Variants in SMARCAL1 observed in about 807,000 individuals in gnomAD.
SMARCAL1 encodes ATP-driven annealing helicase.
In SMARCAL1, 58 loss-of-function variants were observed where a neutral mutation model predicts 94.5. That is an observed-to-expected ratio of 0.61 (90% CI 0.50 to 0.76). The LOEUF (loss-of-function observed/expected upper bound fraction) is 0.76. Among genes scored for constraint, SMARCAL1 ranks in the 30% least tolerant of loss-of-function variants. The pLI is 0.00. For missense variants in SMARCAL1, 1,051 were observed against 1,177.9 expected, an observed-to-expected ratio of 0.89 and a Z score of 1.58; for synonymous variants, 422 against 455.1, an observed-to-expected ratio of 0.93 and a Z score of 0.93.
chr2:216,445,407 CTCTAG>C (rs1367744266), intron 10 of SMARCAL1, among the ~76,000 whole-genome samples: 2 of 152,142 alleles, frequency 1.3e-5, no homozygotes, highest in African/African-American at 4.8e-5. Flanking sequence ...TCCCATCACT[CTCTAG>C]TCTAGGGAGT....
chr2:216,455,825 C>G (rs1044222392), intron 12 of SMARCAL1, among the ~76,000 whole-genome samples: 1 of 152,208 alleles, frequency 6.6e-6, no homozygotes, highest in Admixed American at 6.5e-5. Context: ...AGCTCCTCAC[C>G]AGCAATGGAA....
At chr2:216,478,370 T>A in intron 17 of SMARCAL1, 71 bp downstream of exon 17, 1 of 1,195,032 alleles carries the variant, frequency 8.4e-7, no homozygotes, top group Non-Finnish European at 1.2e-6. Flanking sequence ...AGTCTTTGGG[T>A]CCTGAGTAGG....
At position 216,464,757 on chromosome 2, in the gene SMARCAL1, A is replaced by G. The variant is rs1039462038; in HGVS notation, c.2141+90A>G. 11 of 927,592 alleles carry G rather than the reference A, an allele frequency of 1.2e-5. No individual in the cohort carries two copies. In the East Asian group the frequency reaches 2.4e-4, roughly 20 times the overall value. 57.5% of individuals were successfully genotyped at this position (927,592 alleles called of 1,614,324 possible). Reference sequence around the variant, plus strand: ...TACTTTATTCTGCCTGAATGATTTTACTGCGTCTAAGAAATGACCAGAGAT... The same window carrying G: ...TACTTTATTCTGCCTGAATGATTTTGCTGCGTCTAAGAAATGACCAGAGAT... On this transcript the variant is annotated intron_variant, in intron 13 of 17. Transcript: ENST00000357276.
At chr2:216,461,457 T>C (rs557075133) in intron 12 of SMARCAL1, among the ~76,000 whole-genome samples, 38 of 152,090 alleles carry the variant, frequency 2.5e-4, no homozygotes, top group Non-Finnish European at 4.4e-4. Flanking sequence ...ACTGGGATCA[T>C]ACAAACACGT....
intron 4 of SMARCAL1, 128 bp downstream of exon 4, chr2:216,416,435 C>A: frequency 2.7e-6 from 2 of 730,584 alleles, no homozygotes; most frequent in South Asian, 1.5e-5. Context: ...GCACCCCCCC[C>A]AACACTCCTT....
In SMARCAL1 at chr2:216,415,059, C is replaced by G. The variant is rs2106014694; in HGVS notation, c.355C>G (p.Leu119Val). The G allele has an allele frequency of 1.2e-6, 2 of 1,614,224 alleles. No individual in the cohort carries two copies. Among genetic ancestry groups the G allele is most frequent in the Non-Finnish European group, 1.7e-6 (2 of 1,180,042 alleles). The change falls in exon 3 of 18, where the codon CTC becomes GTC. Residue 119 changes from leucine (L) to valine (V), a missense_variant. By Grantham distance (32) the Leu-to-Val change is conservative. Around this residue, in one of 3 missense-constraint regions of SMARCAL1, gnomAD observed 398 missense variants for 395.2 expected, o/e 1.01. Transcript: ENST00000357276. ...PGHSPRSQMA[L>V]TGISPPLAQS... ...CCACAGTCCACGTAGTCAAATGGCT[C>G]TCACTGGAATCTCTCCTCCCTTGGC...
intron 10 of SMARCAL1, chr2:216,446,794 A>C: frequency 1.5e-6 from 1 of 667,996 alleles, no homozygotes; most frequent in Admixed American, 2.1e-5. Context: ...AATTCAATGT[A>C]ATATGTTAAG....
At position 216,482,193 on chromosome 2, in the gene SMARCAL1, C is replaced by T. The variant is rs1695215232; in HGVS notation, c.2626-545C>T. Among the ~76,000 whole-genome samples the T allele has an allele frequency of 6.6e-6, 1 of 152,172 alleles. No homozygotes were observed. The highest frequency in any genetic ancestry group is 2.4e-5 in the African/African-American group (1 of 41,448). On this transcript the variant is annotated intron_variant, in intron 17 of 17. Transcript: ENST00000357276. The surrounding 1 kb of genome is among the most constrained non-coding windows in gnomAD (Gnocchi z 4.3). ...GGGCTGGGCACATGGTGGCTCACAC[C>T]TGTAATCCCAACATTTTGGGTAGCT...
At chr2:216,440,845 A>G (rs1264072499) in intron 10 of SMARCAL1, among the ~76,000 whole-genome samples, 1 of 152,130 alleles carries the variant, frequency 6.6e-6, no homozygotes, top group Non-Finnish European at 1.5e-5. Flanking sequence ...TCTACCCACT[A>G]GATGCCAGCA....
At chr2:216,451,967 CAA>C (rs951029131) in intron 12 of SMARCAL1, among the ~76,000 whole-genome samples, 3 of 152,184 alleles carry the variant, frequency 2.0e-5, no homozygotes, top group African/African-American at 7.2e-5. Context: ...ATAAGAATGA[CAA>C]GAGACAGAAT....
At chr2:216,445,444 A>G (rs1694289279) in intron 10 of SMARCAL1, among the ~76,000 whole-genome samples, 1 of 152,166 alleles carries the variant, frequency 6.6e-6, no homozygotes, top group South Asian at 2.1e-4. Flanking sequence ...GCGATTTAAT[A>G]CTAACTACAT....
At chr2:216,479,876 C>T (rs1695160476) in intron 17 of SMARCAL1, among the ~76,000 whole-genome samples, 1 of 151,970 alleles carries the variant, frequency 6.6e-6, no homozygotes, top group African/African-American at 2.4e-5. Context: ...CATGGTGAAA[C>T]CCCCATCTCT....
At chr2:216,419,851 G>A (rs59328992) in intron 4 of SMARCAL1, among the ~76,000 whole-genome samples, 8,666 of 151,658 alleles carry the variant, frequency 0.057, 533 homozygotes, top group East Asian at 0.15. Context: ...GCAACATAGC[G>A]AAACCCTGAC....
Position 216,464,691 on chromosome 2 carries a change from C to T in SMARCAL1, c.2141+24C>T, listed in dbSNP as rs200770951. 2,733 of 1,269,184 alleles carry T rather than the reference C, an allele frequency of 2.2e-3. 4 individuals are homozygous for T. Among genetic ancestry groups the T allele is most frequent in the Non-Finnish European group, 2.8e-3 (2,498 of 895,782 alleles). The allele number at this position is 1,269,184 out of a possible 1,614,324, so 78.6% of individuals were successfully genotyped here. On this transcript the variant is annotated intron_variant, in intron 13 of 17. Coordinates refer to ENST00000357276, the MANE Select transcript of SMARCAL1 (RefSeq NM_014140.4). ...ATGTAAGTGGTCACTAAGTGTCGAC[C>T]TCTCTCTCTCTCATCTTCAAAAAAA...
At chr2:216,436,439 C>G (rs1040379790) in intron 9 of SMARCAL1, among the ~76,000 whole-genome samples, 43 of 152,222 alleles carry the variant, frequency 2.8e-4, no homozygotes, top group African/African-American at 1.0e-3. Context: ...ACATAACTCA[C>G]ACAAATATTG....
chr2:216,414,661 C>G lies in SMARCAL1; in HGVS notation c.-44C>G. 2 of 1,565,422 alleles carry G rather than the reference C, an allele frequency of 1.3e-6. No individual in the cohort carries two copies. The highest frequency in any genetic ancestry group is 1.1e-5 in the South Asian group (1 of 89,754). On this transcript the variant is annotated 5_prime_UTR_variant, in exon 3 of 18. Coordinates refer to ENST00000357276, the MANE Select transcript of SMARCAL1 (RefSeq NM_014140.4). ...TTCTTCCACAGCTTTTGCCAACTTTCCAATTAAAGGTTGACATTCCTGCAT... is the reference window on the plus strand; with the variant it reads ...TTCTTCCACAGCTTTTGCCAACTTTGCAATTAAAGGTTGACATTCCTGCAT...
chr2:216,450,531 G>C (rs1201466003), intron 11 of SMARCAL1, among the ~76,000 whole-genome samples: 1 of 152,162 alleles, frequency 6.6e-6, no homozygotes, highest in African/African-American at 2.4e-5. Flanking sequence ...CAAGTTTTTT[G>C]TTTGTTTTTT....
chr2:216,436,189 G>A (rs1288411565), intron 9 of SMARCAL1, among the ~76,000 whole-genome samples: 10 of 152,000 alleles, frequency 6.6e-5, no homozygotes, highest in African/African-American at 2.2e-4. Flanking sequence ...AGCTAGTCTC[G>A]AACTCCTGAC....
rs374696042 is a variant in SMARCAL1, at chr2:216,428,745, G to A, written c.1297G>A (p.Val433Met). The change falls in exon 7 of 18, where the codon GTG becomes ATG. Residue 433 changes from valine (V) to methionine (M), a missense_variant. Transcript: ENST00000357276. ...ADLSEVDPKL[V>M]SNLMPFQRAG... ...CCTTTCTGAAGTGGACCCCAAGCTC[G>A]TGTCTAATCTGATGCCCTTTCAGAG... is the stretch of plus-strand genomic sequence containing the variant. 3.3e-5 allele frequency: 54 copies of A among 1,614,078 alleles called. No homozygotes were observed. The highest frequency in any genetic ancestry group is 4.4e-5 in the Non-Finnish European group (52 of 1,180,048).
Sources: allele counts gnomAD v4.1 joint callset (sites outside exome capture counted in the v4.1 genomes callset), GRCh38; gene constraint gnomAD v4.1.1; regional missense constraint gnomAD v4.1.1; non-coding constraint Gnocchi (gnomAD v3.1); transcripts MANE v1.5; gene names NCBI Gene and HGNC (gene_info 2026-07-23, HGNC 2026-07-21).